Variants in HIVEP3 observed in about 807,000 individuals in gnomAD.
The protein encoded by HIVEP3 is transcription factor HIVEP3.
Under a neutral mutation model 152.8 loss-of-function variants are expected in HIVEP3, and 49 were observed. That is an observed-to-expected ratio of 0.32 (90% CI 0.26 to 0.41). The LOEUF (loss-of-function observed/expected upper bound fraction) is 0.41. Ranked by LOEUF, HIVEP3 falls within the 10% of genes least tolerant of loss-of-function variation. The pLI is 1.00. For synonymous variants in HIVEP3, 1,269 were observed against 1,289.0 expected (o/e 0.98, Z 0.33); for missense variants, 2,790 against 3,103.3 (o/e 0.90, Z 2.40).
rs187400091 is a variant in HIVEP3 at position 41,581,308 on chromosome 1, A to G, written c.3490T>C (p.Ser1164Pro). Residue 1164 changes from serine to proline, a missense_variant, in exon 4 of 9, where the codon TCC becomes CCC. Transcript: ENST00000372583. This position sits in a 1 kb window ranked among gnomAD's most constrained non-coding sequence, Gnocchi z 4.5. ...HEPGQSPEFF[S>P]TQAMSSLLSS... ...AGGAGGCTGGACATGGCCTGGGTGG[A>G]GAAGAATTCTGGAGACTGTCCTGGC... The G allele has an allele frequency of 3.2e-5, 51 of 1,613,090 alleles. No homozygotes were observed. The highest frequency in any genetic ancestry group is 4.1e-5 in the Non-Finnish European group (48 of 1,179,614).
intron 1 of HIVEP3, among the ~76,000 whole-genome samples, chr1:41,988,420 G>C (rs1357239009): frequency 1.3e-5 from 2 of 152,120 alleles, no homozygotes; most frequent in African/African-American, 4.8e-5. Flanking sequence ...ATCTGAAAAG[G>C]CATTTCTCAA....
At chr1:41,752,294 G>A (rs1647179712) in intron 1 of HIVEP3, among the ~76,000 whole-genome samples, 2 of 152,194 alleles carry the variant, frequency 1.3e-5, no homozygotes, top group Admixed American at 1.3e-4. Flanking sequence ...CGGAGGCTCC[G>A]CAATAGCTCC....
chr1:41,784,623 A>G (rs1195569419), intron 1 of HIVEP3, among the ~76,000 whole-genome samples: 1 of 152,170 alleles, frequency 6.6e-6, no homozygotes. Flanking sequence ...CAACACCCCA[A>G]ACTGTGAGGG....
intron 1 of HIVEP3, among the ~76,000 whole-genome samples, chr1:41,904,359 A>G (rs1363875992): frequency 1.3e-5 from 2 of 152,148 alleles, no homozygotes; most frequent in Non-Finnish European, 1.5e-5. Flanking sequence ...AGAGGTCCTG[A>G]CCTTGGCTGC....
chr1:41,919,941 A>G (rs913434266), upstream of HIVEP3, among the ~76,000 whole-genome samples: 1 of 152,316 alleles, frequency 6.6e-6, no homozygotes, highest in Non-Finnish European at 1.5e-5. Context: ...TTCCCGCCTA[A>G]GAGCAGCGGC....
intron 1 of HIVEP3, among the ~76,000 whole-genome samples, chr1:41,798,912 G>T (rs960544174): frequency 2.0e-5 from 3 of 152,130 alleles, no homozygotes; most frequent in African/African-American, 7.2e-5. Context: ...GTAGGGTTGG[G>T]TTATGTCTGC....
chr1:41,700,117 G>A (rs752246330), intron 2 of HIVEP3, among the ~76,000 whole-genome samples: 3 of 152,052 alleles, frequency 2.0e-5, no homozygotes, highest in African/African-American at 4.8e-5. Context: ...ACCAAACCCC[G>A]ACAGAATAGA....
At chr1:41,633,001 TGAG>T (rs1470607057) in intron 2 of HIVEP3, among the ~76,000 whole-genome samples, 2 of 151,866 alleles carry the variant, frequency 1.3e-5, no homozygotes, top group African/African-American at 4.8e-5. Context: ...GGGTGTGGCT[TGAG>T]GAGAAAGGAT....
At chr1:42,008,748 G>A (rs1645476050) in intron 1 of HIVEP3, among the ~76,000 whole-genome samples, 1 of 152,144 alleles carries the variant, frequency 6.6e-6, no homozygotes, top group Non-Finnish European at 1.5e-5. Flanking sequence ...GACACTACTG[G>A]CTGTCACAAC....
intron 1 of HIVEP3, among the ~76,000 whole-genome samples, chr1:41,803,256 C>T (rs575683043): frequency 2.0e-5 from 3 of 152,346 alleles, no homozygotes; most frequent in South Asian, 2.1e-4. Flanking sequence ...TCCTGACAGG[C>T]TGCGGAGTAT....
At chr1:41,867,326 T>C (rs774448186) in intron 1 of HIVEP3, among the ~76,000 whole-genome samples, 23 of 152,246 alleles carry the variant, frequency 1.5e-4, no homozygotes, top group Non-Finnish European at 2.5e-4. Context: ...ACCATCTTCT[T>C]TGATGTTTTT....
intron 1 of HIVEP3, among the ~76,000 whole-genome samples, chr1:41,872,885 T>C (rs1479654506): frequency 6.6e-6 from 1 of 152,256 alleles, no homozygotes; most frequent in East Asian, 1.9e-4. Flanking sequence ...CACCAACATA[T>C]GTGTTCACTT....
intron 1 of HIVEP3, among the ~76,000 whole-genome samples, chr1:41,853,277 G>A (rs764841096): frequency 2.0e-5 from 3 of 152,144 alleles, no homozygotes; most frequent in African/African-American, 4.8e-5. Context: ...GTTCTCACAC[G>A]GCTATAAGGA....
At chr1:41,688,976 C>T (rs1267837891) in intron 2 of HIVEP3, among the ~76,000 whole-genome samples, 3 of 152,174 alleles carry the variant, frequency 2.0e-5, no homozygotes, top group East Asian at 1.9e-4. Context: ...CTGGGAATCC[C>T]GCGTCCTCAC....
intron 1 of HIVEP3, among the ~76,000 whole-genome samples, chr1:41,933,377 G>C (rs1645004623): frequency 6.6e-6 from 1 of 152,044 alleles, no homozygotes; most frequent in African/African-American, 2.4e-5. Flanking sequence ...GCATTGTTAT[G>C]TCTTCTTGGA....
chr1:41,837,122 C>T (rs1327136746), intron 1 of HIVEP3, among the ~76,000 whole-genome samples: 1 of 152,178 alleles, frequency 6.6e-6, no homozygotes, highest in Non-Finnish European at 1.5e-5. Context: ...TCCTCCAACA[C>T]AACAAGCTTA....
intron 1 of HIVEP3, among the ~76,000 whole-genome samples, chr1:41,785,857 A>T (rs190317661): frequency 2.6e-4 from 39 of 152,300 alleles, no homozygotes; most frequent in African/African-American, 7.7e-4. Context: ...TTAGCTGGGC[A>T]TGGTGGCAGG....
chr1:41,600,337 T>G (rs148895683), intron 3 of HIVEP3, among the ~76,000 whole-genome samples: 2 of 152,334 alleles, frequency 1.3e-5, no homozygotes, highest in East Asian at 3.9e-4. Context: ...GATGAATGAA[T>G]GGATAAAAAA....
rs12062910 is a variant in HIVEP3, at chr1:41,893,171, A to T, written c.-801+25242T>A. On this transcript the variant is annotated intron_variant, in intron 1 of 8. Coordinates refer to ENST00000372583, the MANE Select transcript of HIVEP3 (RefSeq NM_024503.5). Reference sequence around the variant, plus strand: ...AAAAGCAAAAAACCCACAGCTGAGAAGCCTCTGGCTCAAACCCACATACAG... The same window carrying T: ...AAAAGCAAAAAACCCACAGCTGAGATGCCTCTGGCTCAAACCCACATACAG... 3.4e-4 allele frequency among the ~76,000 whole-genome samples: 52 copies of T among 151,126 alleles called. 1 individual carries two copies. The highest frequency in any genetic ancestry group is 1.2e-3 in the African/African-American group (49 of 40,810).
Sources: allele counts gnomAD v4.1 joint callset (sites outside exome capture counted in the v4.1 genomes callset), GRCh38; gene constraint gnomAD v4.1.1; non-coding constraint Gnocchi (gnomAD v3.1); transcripts MANE v1.5; gene names NCBI Gene and HGNC (gene_info 2026-07-23, HGNC 2026-07-21).